The following PCDHGB5 variants were observed in gnomAD, a reference collection of about 807,000 sequenced individuals.
PCDHGB5 encodes protocadherin gamma-B5.
Under a neutral mutation model 62.9 loss-of-function variants are expected in PCDHGB5, and 48 were observed. The observed-to-expected ratio is 0.76, with a 90% CI of 0.61 to 0.97. The LOEUF is 0.97. PCDHGB5 is among the 50% of genes least tolerant of loss of function. The pLI is 0.00. For synonymous variants in PCDHGB5, 474 were observed against 511.2 expected (o/e 0.93, Z 0.98); for missense variants, 1,118 against 1,198.6 (o/e 0.93, Z 0.99).
chr5:141,464,377 T>A (rs1410334231), intron 1 of PCDHGB5, among the ~76,000 whole-genome samples: 3 of 151,486 alleles, frequency 2.0e-5, no homozygotes, highest in Admixed American at 2.0e-4. Flanking sequence ...TTTTGCAATA[T>A]AAAAAATGCT....
At chr5:141,467,514 T>C (rs2154569535) in intron 1 of PCDHGB5, among the ~76,000 whole-genome samples, 1 of 152,362 alleles carries the variant, frequency 6.6e-6, no homozygotes, top group South Asian at 2.1e-4. Flanking sequence ...TTGGAGTTTA[T>C]TCTTTTGTGT....
intron 1 of PCDHGB5, chr5:141,413,249 G>A (rs756270877): frequency 6.8e-6 from 11 of 1,613,832 alleles, no homozygotes; most frequent in Non-Finnish European, 9.3e-6. Flanking sequence ...CTTTTCTTCG[G>A]GATTCCATGG....
Position 141,415,396 on chromosome 5 carries a change from G to A in PCDHGB5, c.2397+14872G>A, listed in dbSNP as rs11575962. 4,865 of 1,614,204 alleles carry A rather than the reference G, an allele frequency of 3.0e-3. 27 individuals are homozygous for A. The highest frequency in any genetic ancestry group is 0.011 in the Admixed American group (656 of 60,024). ...AGGAGGCGGCTTGACAGGTGTGTCC[G>A]GCTCGCACTTTGTGGGCGTGGACGG... On this transcript the variant is annotated intron_variant, in intron 1 of 3. Coordinates refer to ENST00000617380, the MANE Select transcript of PCDHGB5 (RefSeq NM_018925.3).
chr5:141,410,464 G>A, intron 1 of PCDHGB5: 1 of 1,613,994 alleles, frequency 6.2e-7, no homozygotes, highest in South Asian at 1.1e-5. Context: ...CTTATAATCT[G>A]TGCATTGCAC....
rs556484142 is a variant in PCDHGB5 at position 141,503,243 on chromosome 5, CA to C, written c.2457-2149del. On this transcript the variant is annotated intron_variant, in intron 2 of 3. Coordinates refer to ENST00000617380, the MANE Select transcript of PCDHGB5 (RefSeq NM_018925.3). ...CACCGTAAAGATGGACAGTTTCTAT[CA>C]TACTCACAGCCACAACCCCAGCACC... Among the ~76,000 whole-genome samples, 232 of 152,196 alleles carry C rather than the reference CA, an allele frequency of 1.5e-3. 2 individuals carry two copies. Among genetic ancestry groups the C allele is most frequent in the African/African-American group, 5.3e-3 (219 of 41,516 alleles).
intron 1 of PCDHGB5, among the ~76,000 whole-genome samples, chr5:141,434,579 A>T (rs931282309): frequency 6.6e-6 from 1 of 152,232 alleles, no homozygotes; most frequent in African/African-American, 2.4e-5. Context: ...CCTGCTGCAG[A>T]TAACTACCTC....
Position 141,398,237 on chromosome 5 carries a change from T to G in PCDHGB5, c.110T>G (p.Ile37Ser). 6.8e-7 allele frequency: 1 copy of G among 1,479,534 alleles called. No individual in the cohort carries two copies. The highest frequency in any genetic ancestry group is 9.2e-7 in the Non-Finnish European group (1 of 1,091,928). The allele number at this position is 1,479,534 out of a possible 1,614,324, so 91.7% of individuals were successfully genotyped here. A position where few individuals can be genotyped will look rare whatever the true frequency, so the allele number is the denominator to read the frequency against. ...PALCEQIRYR[I>S]PEEMPKGSVV... ...CTCTGTGAGCAGATCCGCTACAGGA[T>G]TCCCGAGGAAATGCCCAAGGGCTCC... Residue 37 changes from isoleucine to serine, a missense_variant, in exon 1 of 4, where the codon ATT (isoleucine) becomes AGT (serine). Transcript: ENST00000617380.
intron 2 of PCDHGB5, among the ~76,000 whole-genome samples, chr5:141,499,352 CA>C (rs2099791418): frequency 6.6e-6 from 1 of 152,058 alleles, no homozygotes; most frequent in South Asian, 2.1e-4. Context: ...AGTCATTCAA[CA>C]AACAAATAGC....
Position 141,490,252 on chromosome 5 carries a change from G to A in PCDHGB5, c.2398-4555G>A, listed in dbSNP as rs150107963. The A allele has an allele frequency of 1.9e-6, 3 of 1,614,252 alleles. No homozygotes were observed. Among genetic ancestry groups the A allele is most frequent in the Non-Finnish European group, 1.7e-6 (2 of 1,180,046 alleles). The stretch of plus-strand genomic sequence containing the variant: ...CATGGAGGGCCACTGTGTGATTCAA[G>A]TGGATGTGGGGGATGTCAATGACAA... On this transcript the variant is annotated intron_variant, in intron 1 of 3. Coordinates refer to ENST00000617380, the MANE Select transcript of PCDHGB5 (RefSeq NM_018925.3). This position sits in a 1 kb window ranked among gnomAD's most constrained non-coding sequence, Gnocchi z 5.4.
Position 141,477,914 on chromosome 5 carries a change from G to T in PCDHGB5, c.2398-16893G>T. On this transcript the variant is annotated intron_variant, in intron 1 of 3. Coordinates refer to ENST00000617380, the MANE Select transcript of PCDHGB5 (RefSeq NM_018925.3). The surrounding 1 kb of genome is among the most constrained non-coding windows in gnomAD (Gnocchi z 4.9). ...ACGGGTGGTAGGCTGGGACGCGGAT[G>T]CAGGGCACAATGCCTGGCTCTCCTA... 2 of 1,614,204 alleles carry T rather than the reference G, an allele frequency of 1.2e-6. No homozygotes were observed. The highest frequency in any genetic ancestry group is 1.7e-6 in the Non-Finnish European group (2 of 1,180,044).
chr5:141,420,244 C>A lies in PCDHGB5; in HGVS notation c.2397+19720C>A, dbSNP rs755775597. On this transcript the variant is annotated intron_variant, in intron 1 of 3. Coordinates refer to ENST00000617380, the MANE Select transcript of PCDHGB5 (RefSeq NM_018925.3). ...TACTGGCTAGCATTTTAACTCCCAGCGTTGAAGCAGATAAGAAGATTCTTA... is the reference window on the plus strand; with the variant it reads ...TACTGGCTAGCATTTTAACTCCCAGAGTTGAAGCAGATAAGAAGATTCTTA... 83 of 1,584,438 alleles carry A rather than the reference C, an allele frequency of 5.2e-5. 1 individual carries two copies. The South Asian group carries it at 9.4e-4, about 18-fold the overall frequency.
intron 1 of PCDHGB5, chr5:141,484,903 G>A: frequency 2.5e-6 from 1 of 407,434 alleles, no homozygotes; most frequent in Non-Finnish European, 4.4e-6. Context: ...CTCCAATGCT[G>A]CGACGCATTA....
Position 141,491,739 on chromosome 5 carries a change from C to T in PCDHGB5, c.2398-3068C>T. ...CGCCGCCCCGGGCGACCCCTGGGGG[C>T]GGCACTGGAGAAGCCGCCCGTCCTC... On this transcript the variant is annotated intron_variant, in intron 1 of 3. Transcript: ENST00000617380. This position sits in a 1 kb window ranked among gnomAD's most constrained non-coding sequence, Gnocchi z 6.9. The T allele has an allele frequency of 1.3e-6, 2 of 1,599,004 alleles. No individual in the cohort carries two copies. Among genetic ancestry groups the T allele is most frequent in the East Asian group, 2.3e-5 (1 of 44,194 alleles).
In PCDHGB5 at chr5:141,431,544, T is replaced by C. The variant is rs1409551731; in HGVS notation, c.2397+31020T>C. 1.2e-6 allele frequency: 2 copies of C among 1,614,152 alleles called. No individual in the cohort carries two copies. The highest frequency in any genetic ancestry group is 2.2e-5 in the South Asian group (2 of 91,092). ...AATCTGGCCTTGGGCACGCAGCTGC[T>C]TGTAGTCAACGCTACCGACCCTGAC... On this transcript the variant is annotated intron_variant, in intron 1 of 3. Coordinates refer to ENST00000617380, the MANE Select transcript of PCDHGB5 (RefSeq NM_018925.3). The surrounding 1 kb of genome is among the most constrained non-coding windows in gnomAD (Gnocchi z 4.8).
At chr5:141,456,099 G>A (rs1428094221) in intron 1 of PCDHGB5, among the ~76,000 whole-genome samples, 5 of 151,980 alleles carry the variant, frequency 3.3e-5, no homozygotes, top group East Asian at 1.9e-4. Flanking sequence ...GGATTTCACC[G>A]TGTTAGCCAG....
intron 3 of PCDHGB5, 96 bp downstream of exon 3, chr5:141,505,577 G>C: frequency 2.5e-6 from 4 of 1,589,854 alleles, no homozygotes; most frequent in Non-Finnish European, 3.4e-6. Flanking sequence ...TGTCAAACCT[G>C]TGTAGTTTCT....
intron 1 of PCDHGB5, chr5:141,423,852 GT>G (rs971165220): frequency 2.5e-5 from 32 of 1,279,282 alleles, no homozygotes; most frequent in Non-Finnish European, 3.0e-5. Context: ...CTTTCAGAAC[GT>G]TTTTGTGAAA....
At chr5:141,429,735 T>C (rs911956546) in intron 1 of PCDHGB5, among the ~76,000 whole-genome samples, 1 of 152,202 alleles carries the variant, frequency 6.6e-6, no homozygotes. Flanking sequence ...ACGTAGCCAG[T>C]TATTTCTTAG....
rs774774450 is a variant in PCDHGB5, at chr5:141,398,863, G to A, written c.736G>A (p.Val246Met). The A allele has an allele frequency of 2.5e-6, 4 of 1,613,868 alleles. No homozygotes were observed. The highest frequency in any genetic ancestry group is 2.7e-5 in the African/African-American group (2 of 74,928). ...TAATCCCCCGGTATTCAACCGAGACGTGTACAGAGTCAGCCTTCGGGAAAA... is the reference window on the plus strand; with the variant it reads ...TAATCCCCCGGTATTCAACCGAGACATGTACAGAGTCAGCCTTCGGGAAAA... ...NDNPPVFNRDVYRVSLRENVP... is the reference protein window; with the variant it reads ...NDNPPVFNRDMYRVSLRENVP... Residue 246 changes from valine (V) to methionine (M), a missense_variant, in exon 1 of 4, where the codon GTG becomes ATG. Around this residue, in one of 2 missense-constraint regions of PCDHGB5, gnomAD observed 1,034 missense variants for 1,029.1 expected, o/e 1.00. Transcript: ENST00000617380.
Sources: allele counts gnomAD v4.1 joint callset (sites outside exome capture counted in the v4.1 genomes callset), GRCh38; gene constraint gnomAD v4.1.1; regional missense constraint gnomAD v4.1.1; non-coding constraint Gnocchi (gnomAD v3.1); transcripts MANE v1.5; gene names NCBI Gene and HGNC (gene_info 2026-07-23, HGNC 2026-07-21).